Variants in ATXN10 observed in about 807,000 individuals in gnomAD.
ATXN10 encodes ataxin-10.
A neutral mutation model predicts 52.9 loss-of-function variants in ATXN10; 28 were observed. The observed-to-expected ratio is 0.53, with a 90% CI of 0.39 to 0.73. The LOEUF (loss-of-function observed/expected upper bound fraction) is 0.73. Ranked by LOEUF, ATXN10 falls within the 30% of genes least tolerant of loss-of-function variation. ATXN10 has a pLI of 0.00. For missense variants in ATXN10, 565 were observed against 577.0 expected, an observed-to-expected ratio of 0.98 and a Z score of 0.21; for synonymous variants, 226 against 221.5, an observed-to-expected ratio of 1.02 and a Z score of -0.18.
chr22:45,759,252 C>G lies in ATXN10; in HGVS notation c.1173+18714C>G, dbSNP rs1292879272. Among the ~76,000 whole-genome samples, 2 of 152,140 alleles carry G rather than the reference C, an allele frequency of 1.3e-5. No homozygotes were observed. Among genetic ancestry groups the G allele is most frequent in the African/African-American group, 2.4e-5 (1 of 41,418 alleles). ...AGAGTCCGGGCATGGTGGTTCACAC[C>G]TGTAATCCCAACACTTTGGGAGGCT... On this transcript the variant is annotated intron_variant, in intron 9 of 11. Transcript: ENST00000252934. This position sits in a 1 kb window ranked among gnomAD's most constrained non-coding sequence, Gnocchi z 5.4.
At chr22:45,717,088 A>G (rs547646554) in intron 5 of ATXN10, among the ~76,000 whole-genome samples, 11 of 151,900 alleles carry the variant, frequency 7.2e-5, no homozygotes, top group African/African-American at 2.7e-4. Flanking sequence ...TTCCCCTCCT[A>G]ATTTAAATGC....
At position 45,695,501 on chromosome 22, in the gene ATXN10, T is replaced by G. The variant is rs562622557; in HGVS notation, c.391+2423T>G. On this transcript the variant is annotated intron_variant, in intron 3 of 11. Transcript: ENST00000252934. ...ATAACATGAGGCATATTTCTTTTTT[T>G]TTTTTTGAGATGGAGTCTTACTCTG... Among the ~76,000 whole-genome samples the G allele has an allele frequency of 2.7e-5, 4 of 150,900 alleles. No homozygotes were observed. The East Asian group carries it at 7.8e-4, about 30-fold the overall frequency.
chr22:45,825,326 A>T lies in ATXN10; in HGVS notation c.1238-17665A>T, dbSNP rs1388281769. ...AGCACCCTTTTTCCCTCTTCCCTTTATTTTTCTTTTGCATCTTTTGGGAAC... is the reference window on the plus strand; with the variant it reads ...AGCACCCTTTTTCCCTCTTCCCTTTTTTTTTCTTTTGCATCTTTTGGGAAC... On this transcript the variant is annotated intron_variant, in intron 10 of 11. Coordinates refer to ENST00000252934, the MANE Select transcript of ATXN10 (RefSeq NM_013236.4). This position sits in a 1 kb window ranked among gnomAD's most constrained non-coding sequence, Gnocchi z 4.5. 6.6e-6 allele frequency among the ~76,000 whole-genome samples: 1 copy of T among 151,854 alleles called. No individual in the cohort carries two copies. Among genetic ancestry groups the T allele is most frequent in the Non-Finnish European group, 1.5e-5 (1 of 67,972 alleles).
At chr22:45,692,889 G>C (rs1321045870) in intron 2 of ATXN10, 107 bp from the exon 3 acceptor site, 2 of 894,168 alleles carry the variant, frequency 2.2e-6, no homozygotes, top group Non-Finnish European at 3.7e-6. Context: ...TTTAGGCTTT[G>C]TAATCTCTGT....
At chr22:45,822,819 G>C (rs1928696086) in intron 10 of ATXN10, among the ~76,000 whole-genome samples, 1 of 152,130 alleles carries the variant, frequency 6.6e-6, no homozygotes, top group African/African-American at 2.4e-5. Context: ...ACGGTGCCCA[G>C]CTGAATTTCT....
At chr22:45,738,959 T>TA in intron 8 of ATXN10, 120 bp downstream of exon 8, 1 of 941,018 alleles carries the variant, frequency 1.1e-6, no homozygotes, top group Non-Finnish European at 1.7e-6. Context: ...TGTGAATATA[T>TA]TTTTTTGAGA....
intron 6 of ATXN10, among the ~76,000 whole-genome samples, chr22:45,721,912 C>A (rs1023844974): frequency 1.3e-5 from 2 of 151,224 alleles, no homozygotes; most frequent in African/African-American, 4.9e-5. Flanking sequence ...GAGACTCTGT[C>A]ACATGAAAAA....
Position 45,750,302 on chromosome 22 carries a change from C to G in ATXN10, c.1173+9764C>G, listed in dbSNP as rs1166775747. On this transcript the variant is annotated intron_variant, in intron 9 of 11. Coordinates refer to ENST00000252934, the MANE Select transcript of ATXN10 (RefSeq NM_013236.4). This position sits in a 1 kb window ranked among gnomAD's most constrained non-coding sequence, Gnocchi z 4.2. ...GTAGAGGTGGGATTTTCCCATGTTC[C>G]CCAGGCTGGTCTTGAACTCCTGAGC... 1.3e-5 allele frequency among the ~76,000 whole-genome samples: 2 copies of G among 151,938 alleles called. No homozygotes were observed. The highest frequency in any genetic ancestry group is 2.9e-5 in the Non-Finnish European group (2 of 67,992).
At chr22:45,808,767 A>C (rs986399416) in intron 10 of ATXN10, among the ~76,000 whole-genome samples, 1 of 152,240 alleles carries the variant, frequency 6.6e-6, no homozygotes, top group Admixed American at 6.5e-5. Flanking sequence ...GAGACAGAGC[A>C]CATGCAGAGA....
rs1923043133 is a variant in ATXN10, at chr22:45,684,225, A to G, written c.117-5487A>G. 6.6e-6 allele frequency among the ~76,000 whole-genome samples: 1 copy of G among 150,780 alleles called. No homozygotes were observed. Among genetic ancestry groups the G allele is most frequent in the South Asian group, 2.1e-4 (1 of 4,806 alleles). On this transcript the variant is annotated intron_variant, in intron 1 of 11. Coordinates refer to ENST00000252934, the MANE Select transcript of ATXN10 (RefSeq NM_013236.4). The surrounding 1 kb of genome is among the most constrained non-coding windows in gnomAD (Gnocchi z 4.1). Reference sequence around the variant, plus strand: ...TTCTGCCTCTCAAAGCACTGGAATTATAGGCATATGAACCACTGCGCCTGG... The same window carrying G: ...TTCTGCCTCTCAAAGCACTGGAATTGTAGGCATATGAACCACTGCGCCTGG...
At chr22:45,726,318 G>A (rs948370422) in intron 6 of ATXN10, among the ~76,000 whole-genome samples, 1 of 152,010 alleles carries the variant, frequency 6.6e-6, no homozygotes, top group African/African-American at 2.4e-5. Flanking sequence ...GGCAATTTTT[G>A]TTATTGATTC....
Position 45,708,334 on chromosome 22 carries a change from G to A in ATXN10, c.647+5487G>A, listed in dbSNP as rs1000113888. ...ACACAGTAGAGGAAGAGGTAGGACT[G>A]CCTCGTGCTGATCCTGTGATGTGTT... On this transcript the variant is annotated intron_variant, in intron 5 of 11. Transcript: ENST00000252934. This position sits in a 1 kb window ranked among gnomAD's most constrained non-coding sequence, Gnocchi z 5.3. Among the ~76,000 whole-genome samples, 1 of 152,182 alleles carries A rather than the reference G, an allele frequency of 6.6e-6. No homozygotes were observed. Among genetic ancestry groups the A allele is most frequent in the Admixed American group, 6.5e-5 (1 of 15,286 alleles).
rs148262469 is a variant in ATXN10, at chr22:45,780,889, G to A, written c.1174-26070G>A. Among the ~76,000 whole-genome samples, 1 of 152,086 alleles carries A rather than the reference G, an allele frequency of 6.6e-6. No individual in the cohort carries two copies. ...ATATATGAAACAATCATGGAAACACGTGACAGGTGGGGAGAAGACGGCATA... is the reference window on the plus strand; with the variant it reads ...ATATATGAAACAATCATGGAAACACATGACAGGTGGGGAGAAGACGGCATA... On this transcript the variant is annotated intron_variant, in intron 9 of 11. Coordinates refer to ENST00000252934, the MANE Select transcript of ATXN10 (RefSeq NM_013236.4). This position sits in a 1 kb window ranked among gnomAD's most constrained non-coding sequence, Gnocchi z 4.0.
intron 9 of ATXN10, among the ~76,000 whole-genome samples, chr22:45,797,861 G>C (rs1431992774): frequency 6.6e-6 from 1 of 152,162 alleles, no homozygotes; most frequent in East Asian, 1.9e-4. Context: ...AGCAGTGAAA[G>C]AGGAGACATC....
Position 45,828,494 on chromosome 22 carries a change from A to G in ATXN10, c.1238-14497A>G, listed in dbSNP as rs1016463883. ...GAAGTTGCTTTTTTAAAGATCAACAAAAGTTGACCAACTTTTAGCTAGGTG... is the reference window on the plus strand; with the variant it reads ...GAAGTTGCTTTTTTAAAGATCAACAGAAGTTGACCAACTTTTAGCTAGGTG... On this transcript the variant is annotated intron_variant, in intron 10 of 11. Transcript: ENST00000252934. This position sits in a 1 kb window ranked among gnomAD's most constrained non-coding sequence, Gnocchi z 4.5. 2.6e-5 allele frequency among the ~76,000 whole-genome samples: 4 copies of G among 152,186 alleles called. No individual in the cohort carries two copies. Among genetic ancestry groups the G allele is most frequent in the African/African-American group, 9.6e-5 (4 of 41,470 alleles).
chr22:45,671,838 T>G lies in ATXN10; in HGVS notation c.-226T>G. ...CGGCGCCCCCTCCCCCGCGGCGCCG[T>G]CTCCTCCTCCCGCCTGAGGCGAGTC... On this transcript the variant is annotated 5_prime_UTR_variant, in exon 1 of 12. Transcript: ENST00000252934. 2.8e-6 allele frequency: 1 copy of G among 355,300 alleles called. No homozygotes were observed. The highest frequency in any genetic ancestry group is 5.0e-6 in the Non-Finnish European group (1 of 198,542). The allele number at this position is 355,300 out of a possible 1,614,324, so 22.0% of individuals were successfully genotyped here.
intron 9 of ATXN10, among the ~76,000 whole-genome samples, chr22:45,800,587 C>T (rs1228097981): frequency 2.6e-5 from 4 of 152,152 alleles, no homozygotes; most frequent in African/African-American, 7.2e-5. Flanking sequence ...CAATTTCATT[C>T]GTAGGTATCC....
chr22:45,789,718 G>A lies in ATXN10; in HGVS notation c.1174-17241G>A, dbSNP rs955124366. Among the ~76,000 whole-genome samples, 1 of 152,196 alleles carries A rather than the reference G, an allele frequency of 6.6e-6. No individual in the cohort carries two copies. The highest frequency in any genetic ancestry group is 6.5e-5 in the Admixed American group (1 of 15,280). Reference sequence around the variant, plus strand: ...GATGTGTTGGGCTTTAGCTTTGGCCGTTAGGGATGTAGGAGTGTGTCCTTC... The same window carrying A: ...GATGTGTTGGGCTTTAGCTTTGGCCATTAGGGATGTAGGAGTGTGTCCTTC... On this transcript the variant is annotated intron_variant, in intron 9 of 11. Transcript: ENST00000252934. The surrounding 1 kb of genome is among the most constrained non-coding windows in gnomAD (Gnocchi z 4.0).
chr22:45,718,452 A>G lies in ATXN10; in HGVS notation c.687A>G (p.Glu229=). Residue 229 remains glutamate, a synonymous_variant, in exon 6 of 12, where the codon GAA becomes GAG. Transcript: ENST00000252934. The surrounding 1 kb of genome is among the most constrained non-coding windows in gnomAD (Gnocchi z 4.4). ...CAGACCTCTTTCTGAAAAGCCCGGA[A>G]TTGGTACAAGCCATGTTTCCCAAAC... ...IITDLFLKSP[E]LVQAMFPKLN... The G allele has an allele frequency of 1.2e-6, 2 of 1,613,764 alleles. No individual in the cohort carries two copies. Among genetic ancestry groups the G allele is most frequent in the Non-Finnish European group, 1.7e-6 (2 of 1,179,742 alleles).
Sources: allele counts gnomAD v4.1 joint callset (sites outside exome capture counted in the v4.1 genomes callset), GRCh38; gene constraint gnomAD v4.1.1; non-coding constraint Gnocchi (gnomAD v3.1); transcripts MANE v1.5; gene names NCBI Gene and HGNC (gene_info 2026-07-23, HGNC 2026-07-21).